Variants in CADPS observed in about 807,000 individuals in gnomAD.
CADPS encodes the protein calcium-dependent secretion activator 1.
CADPS carries 57 observed loss-of-function variants against 167.3 expected under a neutral mutation model. The observed-to-expected ratio is 0.34, with a 90% CI of 0.28 to 0.42. CADPS has a LOEUF of 0.42. Among genes scored for constraint, CADPS ranks in the 20% least tolerant of loss-of-function variants. CADPS has a pLI of 1.00. For missense variants in CADPS, 1,414 were observed against 1,738.1 expected (o/e 0.81, Z 3.32); for synonymous variants, 676 against 635.3 (o/e 1.06, Z -0.96).
At chr3:62,529,000 A>G (rs995679976) in intron 13 of CADPS, among the ~76,000 whole-genome samples, 2 of 152,070 alleles carry the variant, frequency 1.3e-5, no homozygotes, top group African/African-American at 4.8e-5. Context: ...CTCTACTAAA[A>G]ATACAAAAAA....
At chr3:62,434,675 C>T (rs2054626773) in intron 28 of CADPS, among the ~76,000 whole-genome samples, 1 of 152,094 alleles carries the variant, frequency 6.6e-6, no homozygotes, top group Non-Finnish European at 1.5e-5. Flanking sequence ...CACTTCCAGC[C>T]AAAAGTACAA....
At chr3:62,785,357 C>G (rs1050951753) in intron 1 of CADPS, among the ~76,000 whole-genome samples, 7 of 152,170 alleles carry the variant, frequency 4.6e-5, no homozygotes, top group African/African-American at 1.4e-4. Context: ...CCTCCTAGCA[C>G]TGTGAGAGTT....
intron 1 of CADPS, among the ~76,000 whole-genome samples, chr3:62,803,166 A>T (rs940680936): frequency 7.9e-5 from 12 of 152,104 alleles, no homozygotes; most frequent in African/African-American, 2.7e-4. Flanking sequence ...CTGCTGGGTG[A>T]TTTACTGAGT....
At chr3:62,551,774 C>T (rs1245596267) in intron 10 of CADPS, among the ~76,000 whole-genome samples, 1 of 152,154 alleles carries the variant, frequency 6.6e-6, no homozygotes, top group African/African-American at 2.4e-5. Flanking sequence ...AGTACCTTTG[C>T]AATTGCTTTT....
chr3:62,871,108 C>T (rs183484036), intron 1 of CADPS, among the ~76,000 whole-genome samples: 2 of 152,202 alleles, frequency 1.3e-5, no homozygotes, highest in East Asian at 3.9e-4. Context: ...TTCAGATAGT[C>T]TGTTTAAAGT....
chr3:62,756,972 A>C (rs984753480), intron 2 of CADPS, among the ~76,000 whole-genome samples: 1 of 152,244 alleles, frequency 6.6e-6, no homozygotes, highest in African/African-American at 2.4e-5. Flanking sequence ...AAAGCCATTG[A>C]AAGTTTTAAG....
At chr3:62,815,133 A>C (rs183502925) in intron 1 of CADPS, among the ~76,000 whole-genome samples, 1 of 152,190 alleles carries the variant, frequency 6.6e-6, no homozygotes, top group Non-Finnish European at 1.5e-5. Context: ...ATGTAGGTAA[A>C]TATTCACTAA....
intron 26 of CADPS, among the ~76,000 whole-genome samples, chr3:62,456,995 G>T (rs563972156): frequency 6.6e-6 from 1 of 152,016 alleles, no homozygotes; most frequent in Non-Finnish European, 1.5e-5. Context: ...AAGTTCCTTC[G>T]ATTGAATGCA....
chr3:62,534,503 T>C (rs1158673362), intron 12 of CADPS, among the ~76,000 whole-genome samples: 1 of 152,206 alleles, frequency 6.6e-6, no homozygotes, highest in Admixed American at 6.5e-5. Flanking sequence ...GGCAACTTCT[T>C]TGCCACTCCA....
intron 6 of CADPS, chr3:62,626,552 T>TC (rs764839687): frequency 9.5e-5 from 67 of 702,732 alleles, no homozygotes; most frequent in South Asian, 5.8e-4. Context: ...GCAGTTGTTC[T>TC]CTTCTGTTTC....
intron 21 of CADPS, among the ~76,000 whole-genome samples, chr3:62,490,633 A>G (rs556744439): frequency 6.6e-6 from 1 of 152,234 alleles, no homozygotes; most frequent in Non-Finnish European, 1.5e-5. Context: ...TAAAAAAAGC[A>G]CACGGTTGTC....
intron 1 of CADPS, among the ~76,000 whole-genome samples, chr3:62,772,522 G>A (rs1000580901): frequency 1.2e-4 from 18 of 152,268 alleles, no homozygotes; most frequent in African/African-American, 4.3e-4. Context: ...TCCAGGAAAG[G>A]CTAAGAGCAT....
intron 1 of CADPS, among the ~76,000 whole-genome samples, chr3:62,777,076 A>G: frequency 6.6e-6 from 1 of 152,238 alleles, no homozygotes; most frequent in East Asian, 1.9e-4. Flanking sequence ...ATGAAACGAC[A>G]GATTGTTCCA....
intron 3 of CADPS, among the ~76,000 whole-genome samples, chr3:62,744,067 C>G (rs564243671): frequency 6.6e-6 from 1 of 152,178 alleles, no homozygotes; most frequent in African/African-American, 2.4e-5. Context: ...GCTGTATGAC[C>G]TTGGAAAAAA....
intron 6 of CADPS, among the ~76,000 whole-genome samples, chr3:62,614,923 G>A (rs2062030146): frequency 6.6e-6 from 1 of 152,142 alleles, no homozygotes; most frequent in Admixed American, 6.5e-5. Context: ...GTCTCTTAGG[G>A]CAGTGAGAAT....
Position 62,753,683 on chromosome 3 carries a change from C to T in CADPS, c.646G>A (p.Glu216Lys). The change falls in exon 3 of 30, where the codon GAG (glutamate) becomes AAG (lysine). Residue 216 changes from glutamate (E) to lysine (K), a missense_variant. Transcript: ENST00000383710. This position sits in a 1 kb window ranked among gnomAD's most constrained non-coding sequence, Gnocchi z 4.6. ...DSREVFKKHIEKRVRSLPEID... is the reference protein window; with the variant it reads ...DSREVFKKHIKKRVRSLPEID... ...TCAGGCAGGCTGCGCACTCTCTTCT[C>T]AATGTGCTTCTTGAAGACCTCCCGG... 1.2e-6 allele frequency: 2 copies of T among 1,614,178 alleles called. No homozygotes were observed.
At chr3:62,523,388 A>T (rs146935661) in intron 13 of CADPS, among the ~76,000 whole-genome samples, 2 of 152,340 alleles carry the variant, frequency 1.3e-5, no homozygotes, top group African/African-American at 4.8e-5. Flanking sequence ...TGAACAGTGT[A>T]GTCAAAGAAT....
At chr3:62,663,877 T>A (rs2073899679) in intron 3 of CADPS, among the ~76,000 whole-genome samples, 1 of 152,210 alleles carries the variant, frequency 6.6e-6, no homozygotes, top group Non-Finnish European at 1.5e-5. Context: ...GACTTTTCCT[T>A]AGATCATGAA....
Position 62,650,895 on chromosome 3 carries a change from A to C in CADPS, c.1155T>G (p.Ser385Arg). 1 of 1,613,534 alleles carries C rather than the reference A, an allele frequency of 6.2e-7. No homozygotes were observed. The highest frequency in any genetic ancestry group is 8.5e-7 in the Non-Finnish European group (1 of 1,179,880). ...NASIIDMGEESENQLSKSDVV... is the reference protein window; with the variant it reads ...NASIIDMGEERENQLSKSDVV... ...CATCTGACTTGGAGAGCTGGTTCTC[A>C]CTCTCCTCGCCCATGTCGATGATGG... Residue 385 changes from serine to arginine, a missense_variant, in exon 5 of 30, where the codon AGT (serine) becomes AGG (arginine). Transcript: ENST00000383710.
Sources: allele counts gnomAD v4.1 joint callset (sites outside exome capture counted in the v4.1 genomes callset), GRCh38; gene constraint gnomAD v4.1.1; non-coding constraint Gnocchi (gnomAD v3.1); transcripts MANE v1.5; gene names NCBI Gene and HGNC (gene_info 2026-07-23, HGNC 2026-07-21).